RBFOX1: variants seen among roughly 807,000 people sequenced by gnomAD.
RBFOX1 encodes the protein RNA binding fox-1 homolog 1, also known as RNA binding protein fox-1 homolog 1.
RBFOX1 carries 8 observed loss-of-function variants against 57.7 expected under a neutral mutation model. That is an observed-to-expected ratio of 0.14 (90% CI 0.08 to 0.25). The LOEUF (loss-of-function observed/expected upper bound fraction) is 0.25. Among genes scored for constraint, RBFOX1 ranks in the 10% least tolerant of loss-of-function variants. The probability of loss-of-function intolerance (pLI) is 1.00; values close to 1 mark genes in which losing one functional copy is unlikely to be tolerated. For missense variants in RBFOX1, 611 were observed against 548.5 expected, an observed-to-expected ratio of 1.11 and a Z score of -1.14; for synonymous variants, 326 against 222.4, an observed-to-expected ratio of 1.47 and a Z score of -4.15.
At chr16:7,568,397 T>G (rs2092364119) in intron 5 of RBFOX1, among the ~76,000 whole-genome samples, 1 of 152,148 alleles carries the variant, frequency 6.6e-6, no homozygotes, top group African/African-American at 2.4e-5. Flanking sequence ...GAAACTGTTG[T>G]GGTACTGGTG....
intron 3 of RBFOX1, among the ~76,000 whole-genome samples, chr16:6,687,272 T>A (rs1015713811): frequency 1.3e-5 from 2 of 152,084 alleles, no homozygotes; most frequent in African/African-American, 2.4e-5. Flanking sequence ...ATAATCGACT[T>A]TGGATACTCA....
At chr16:5,913,884 C>T (rs1003269036) in intron 4 of RBFOX1, among the ~76,000 whole-genome samples, 3 of 152,248 alleles carry the variant, frequency 2.0e-5, no homozygotes, top group Admixed American at 6.5e-5. Flanking sequence ...ATATGAATGA[C>T]ATCTTTCTTT....
intron 3 of RBFOX1, among the ~76,000 whole-genome samples, chr16:5,655,905 T>A (rs1001267119): frequency 4.6e-5 from 7 of 152,180 alleles, no homozygotes; most frequent in African/African-American, 1.4e-4. Flanking sequence ...AATTGTAGAT[T>A]AGGTAGATCT....
At chr16:6,525,130 A>G (rs2096560941) in intron 2 of RBFOX1, among the ~76,000 whole-genome samples, 1 of 152,204 alleles carries the variant, frequency 6.6e-6, no homozygotes. Flanking sequence ...TATTTGGTCA[A>G]CCTGTATTTA....
At chr16:7,642,813 G>C (rs891087617) in intron 11 of RBFOX1, among the ~76,000 whole-genome samples, 1 of 152,072 alleles carries the variant, frequency 6.6e-6, no homozygotes, top group Non-Finnish European at 1.5e-5. Context: ...TCAGGGCTTT[G>C]TCTTCTCCTT....
At chr16:7,407,907 C>G (rs2098374208) in intron 4 of RBFOX1, among the ~76,000 whole-genome samples, 2 of 152,104 alleles carry the variant, frequency 1.3e-5, no homozygotes, top group Admixed American at 1.3e-4. Context: ...ACAGCCATGC[C>G]CATTTGTTTA....
intron 2 of RBFOX1, among the ~76,000 whole-genome samples, chr16:6,479,403 C>T (rs1296168539): frequency 1.3e-5 from 2 of 152,066 alleles, no homozygotes; most frequent in East Asian, 3.9e-4. Context: ...GCCTGGCCAA[C>T]ATGGTGAAAC....
At chr16:7,535,308 A>C (rs2081218892) in intron 5 of RBFOX1, among the ~76,000 whole-genome samples, 1 of 152,172 alleles carries the variant, frequency 6.6e-6, no homozygotes, top group Non-Finnish European at 1.5e-5. Context: ...GGAGCCTGGA[A>C]TCTGCCTTCA....
intron 4 of RBFOX1, among the ~76,000 whole-genome samples, chr16:7,209,766 C>T (rs1224659163): frequency 3.3e-5 from 5 of 152,118 alleles, no homozygotes; most frequent in Non-Finnish European, 7.4e-5. Context: ...CATCATTGCC[C>T]AGGGGCGTTC....
chr16:7,704,999 A>G (rs1458877926), intron 14 of RBFOX1, among the ~76,000 whole-genome samples: 6 of 150,464 alleles, frequency 4.0e-5, no homozygotes, highest in Admixed American at 6.6e-5. Context: ...AGCCGAGATC[A>G]TGTCACTGCA....
chr16:5,791,445 A>T (rs1298845313), intron 3 of RBFOX1, among the ~76,000 whole-genome samples: 1 of 152,120 alleles, frequency 6.6e-6, no homozygotes, highest in Non-Finnish European at 1.5e-5. Context: ...TCTGGGTACT[A>T]ATATTATCCC....
At chr16:5,974,865 G>A (rs983628944) in intron 4 of RBFOX1, among the ~76,000 whole-genome samples, 1 of 151,858 alleles carries the variant, frequency 6.6e-6, no homozygotes, top group African/African-American at 2.4e-5. Flanking sequence ...AAAATTAGCC[G>A]GGCATGGTGG....
chr16:7,050,554 C>T (rs1217170608), intron 3 of RBFOX1, among the ~76,000 whole-genome samples: 1 of 152,196 alleles, frequency 6.6e-6, no homozygotes, highest in Non-Finnish European at 1.5e-5. Context: ...GCATGAGCAA[C>T]CGTGCCTGGC....
intron 3 of RBFOX1, among the ~76,000 whole-genome samples, chr16:5,862,867 G>T (rs1195998867): frequency 6.6e-6 from 1 of 152,158 alleles, no homozygotes; most frequent in African/African-American, 2.4e-5. Flanking sequence ...TGCAGCATCA[G>T]AGCCCCAGAC....
rs556394204 is a variant in RBFOX1 at position 6,898,795 on chromosome 16, G to A, written c.-15-153262G>A. On this transcript the variant is annotated intron_variant, in intron 3 of 15. Transcript: ENST00000550418. The stretch of plus-strand genomic sequence containing the variant: ...CATGCATCTGTGTGTATGCATGTGC[G>A]TGTCTGTATAACGTGCATGTGTATA... Among the ~76,000 whole-genome samples, 140 of 151,872 alleles carry A rather than the reference G, an allele frequency of 9.2e-4. 1 individual carries two copies. Among genetic ancestry groups the A allele is most frequent in the Non-Finnish European group, 3.2e-4 (22 of 67,994 alleles).
intron 3 of RBFOX1, among the ~76,000 whole-genome samples, chr16:6,779,783 ATT>A (rs377383977): frequency 0.045 from 729 of 16,104 alleles, 39 homozygotes; most frequent in East Asian, 0.24. Flanking sequence ...ATTTATATAT[ATT>A]TTTATATATA....
intron 4 of RBFOX1, among the ~76,000 whole-genome samples, chr16:7,396,680 C>G (rs553619278): frequency 6.6e-6 from 1 of 152,228 alleles, no homozygotes; most frequent in Non-Finnish European, 1.5e-5. Context: ...TGACTTACAC[C>G]TGTAATCCCA....
chr16:5,313,163 G>A (rs1179123816), intron 1 of RBFOX1, among the ~76,000 whole-genome samples: 1 of 152,180 alleles, frequency 6.6e-6, no homozygotes, highest in African/African-American at 2.4e-5. Context: ...GAAAGCCCGG[G>A]CAGGGATGCT....
At chr16:7,482,493 TG>T (rs60669966) in intron 4 of RBFOX1, among the ~76,000 whole-genome samples, 424 of 57,754 alleles carry the variant, frequency 7.3e-3, no homozygotes, top group Non-Finnish European at 0.011. Context: ...TTGTTGTTGT[TG>T]TTTCTTAAAT....
Sources: allele counts gnomAD v4.1 joint callset (sites outside exome capture counted in the v4.1 genomes callset), GRCh38; gene constraint gnomAD v4.1.1; transcripts MANE v1.5; gene names NCBI Gene and HGNC (gene_info 2026-07-23, HGNC 2026-07-21).